Variants in GRIA4 observed in about 807,000 individuals in gnomAD.
The protein encoded by GRIA4 is glutamate receptor 4.
A neutral mutation model predicts 104.0 loss-of-function variants in GRIA4; 34 were observed. That is an observed-to-expected ratio of 0.33 (90% CI 0.25 to 0.44). The LOEUF (loss-of-function observed/expected upper bound fraction) is 0.44. Ranked by LOEUF, GRIA4 falls within the 20% of genes least tolerant of loss-of-function variation. The pLI is 1.00. For synonymous variants in GRIA4, 386 were observed against 381.9 expected (o/e 1.01, Z -0.13); for missense variants, 750 against 1,096.5 (o/e 0.68, Z 4.46).
chr11:105,967,994 G>A (rs1858480668), intron 14 of GRIA4, among the ~76,000 whole-genome samples: 1 of 152,192 alleles, frequency 6.6e-6, no homozygotes. Context: ...AAAAAGTCCT[G>A]AAGTGAGAAA....
At chr11:105,646,707 A>T (rs936600584) in intron 3 of GRIA4, among the ~76,000 whole-genome samples, 2 of 152,236 alleles carry the variant, frequency 1.3e-5, no homozygotes, top group African/African-American at 4.8e-5. Context: ...TTCTCCATTC[A>T]ATAAATGGTG....
At chr11:105,807,535 T>A (rs1054761053) in intron 4 of GRIA4, among the ~76,000 whole-genome samples, 1 of 151,908 alleles carries the variant, frequency 6.6e-6, no homozygotes, top group African/African-American at 2.4e-5. Context: ...AGGAAAAATC[T>A]TTTTCTTTCT....
intron 14 of GRIA4, among the ~76,000 whole-genome samples, chr11:105,968,150 G>C (rs1487646137): frequency 6.6e-6 from 1 of 152,108 alleles, no homozygotes; most frequent in East Asian, 1.9e-4. Context: ...ACAGAATCTT[G>C]GTAGGAGAAA....
At chr11:105,828,986 T>C (rs1362432461) in intron 4 of GRIA4, among the ~76,000 whole-genome samples, 2 of 151,882 alleles carry the variant, frequency 1.3e-5, no homozygotes, top group African/African-American at 4.8e-5. Context: ...AGAGGAGAGA[T>C]AGAGTTCCCA....
chr11:105,697,429 C>A (rs1183155606), intron 3 of GRIA4, among the ~76,000 whole-genome samples: 1 of 152,070 alleles, frequency 6.6e-6, no homozygotes. Flanking sequence ...CTGAAAAGAG[C>A]CTGACTCTGC....
chr11:105,703,055 A>G (rs1443163219), intron 3 of GRIA4, among the ~76,000 whole-genome samples: 1 of 152,126 alleles, frequency 6.6e-6, no homozygotes, highest in Non-Finnish European at 1.5e-5. Flanking sequence ...TTAGGCATGG[A>G]TTCTTTTTCA....
chr11:105,671,249 C>A (rs980244373), intron 3 of GRIA4, among the ~76,000 whole-genome samples: 6 of 152,036 alleles, frequency 3.9e-5, no homozygotes, highest in African/African-American at 1.4e-4. Flanking sequence ...ATTCTACCTA[C>A]CATGGCTTCT....
chr11:105,840,638 GATATT>G (rs138285376), intron 4 of GRIA4, among the ~76,000 whole-genome samples: 2 of 152,254 alleles, frequency 1.3e-5, no homozygotes, highest in African/African-American at 4.8e-5. Context: ...GTTTCTATAC[GATATT>G]ATAAGACTCT....
intron 16 of GRIA4, among the ~76,000 whole-genome samples, chr11:105,976,101 AAAC>A (rs890780146): frequency 6.6e-6 from 1 of 152,054 alleles, no homozygotes; most frequent in African/African-American, 2.4e-5. Flanking sequence ...AAATTGAGAA[AAAC>A]AATACTTGAT....
chr11:105,679,649 T>A (rs979379102), intron 3 of GRIA4, among the ~76,000 whole-genome samples: 10 of 152,168 alleles, frequency 6.6e-5, no homozygotes, highest in Non-Finnish European at 1.2e-4. Flanking sequence ...AAATGCATCT[T>A]ATGTTATATG....
At chr11:105,859,700 C>A (rs145411662) in intron 4 of GRIA4, among the ~76,000 whole-genome samples, 111 of 151,718 alleles carry the variant, frequency 7.3e-4, no homozygotes, top group African/African-American at 2.6e-3. Flanking sequence ...GTGTGGGGGC[C>A]GTTTTTATTA....
At chr11:105,849,396 G>C (rs1471454841) in intron 4 of GRIA4, among the ~76,000 whole-genome samples, 1 of 152,148 alleles carries the variant, frequency 6.6e-6, no homozygotes, top group Non-Finnish European at 1.5e-5. Context: ...ATCCAGCTCA[G>C]TTCTGAAGGA....
intron 3 of GRIA4, among the ~76,000 whole-genome samples, chr11:105,724,887 A>T (rs750914561): frequency 7.9e-5 from 12 of 152,186 alleles, no homozygotes; most frequent in Non-Finnish European, 1.6e-4. Context: ...TTGAGGGAAA[A>T]AAACATTGTT....
chr11:105,655,167 G>T (rs959638787), intron 3 of GRIA4, among the ~76,000 whole-genome samples: 1 of 151,922 alleles, frequency 6.6e-6, no homozygotes, highest in African/African-American at 2.4e-5. Flanking sequence ...AAAAGTATTA[G>T]AATTATACTT....
At chr11:105,897,130 TG>T (rs1229962331) in intron 6 of GRIA4, among the ~76,000 whole-genome samples, 2 of 152,144 alleles carry the variant, frequency 1.3e-5, no homozygotes, top group African/African-American at 4.8e-5. Flanking sequence ...CTAACCTTCT[TG>T]GTTAAATGCA....
intron 3 of GRIA4, among the ~76,000 whole-genome samples, chr11:105,698,290 A>G (rs968070616): frequency 6.6e-6 from 1 of 152,176 alleles, no homozygotes; most frequent in Non-Finnish European, 1.5e-5. Context: ...TTATAGTGCA[A>G]GATTATTGTT....
At chr11:105,964,966 C>G (rs1948829322) in intron 14 of GRIA4, among the ~76,000 whole-genome samples, 1 of 152,094 alleles carries the variant, frequency 6.6e-6, no homozygotes, top group South Asian at 2.1e-4. Context: ...ACAACCATGC[C>G]CAGCTAATTT....
chr11:105,913,030 C>G, intron 10 of GRIA4: 1 of 926,464 alleles, frequency 1.1e-6, no homozygotes, highest in Non-Finnish European at 1.3e-6. Flanking sequence ...AGTTGTCTGT[C>G]CTTTGTGTAT....
At chr11:105,785,343 A>C (rs755648305) in intron 4 of GRIA4, among the ~76,000 whole-genome samples, 27 of 152,194 alleles carry the variant, frequency 1.8e-4, no homozygotes, top group Non-Finnish European at 3.5e-4. Flanking sequence ...TATTAGATTG[A>C]TCAATTAGAT....
Sources: allele counts gnomAD v4.1 joint callset (sites outside exome capture counted in the v4.1 genomes callset), GRCh38; gene constraint gnomAD v4.1.1; transcripts MANE v1.5; gene names NCBI Gene and HGNC (gene_info 2026-07-23, HGNC 2026-07-21).